ABLIM2: variants seen among roughly 807,000 people sequenced by gnomAD.
ABLIM2 encodes the protein actin binding LIM protein family member 2, also known as actin-binding LIM protein 2.
ABLIM2 carries 53 observed loss-of-function variants against 97.7 expected under a neutral mutation model. That is an observed-to-expected ratio of 0.54 (90% CI 0.44 to 0.68). The LOEUF (loss-of-function observed/expected upper bound fraction) is 0.68, where lower values mean the gene tolerates loss of function less well. Among genes scored for constraint, ABLIM2 ranks in the 30% least tolerant of loss-of-function variants. ABLIM2 has a pLI of 0.00. For missense variants in ABLIM2, 835 were observed against 867.2 expected (o/e 0.96, Z 0.47); for synonymous variants, 361 against 345.8 (o/e 1.04, Z -0.49).
At chr4:7,994,780 C>CCA (rs1752058369) in intron 16 of ABLIM2, among the ~76,000 whole-genome samples, 1 of 115,874 alleles carries the variant, frequency 8.6e-6, no homozygotes, top group Non-Finnish European at 2.1e-5. Context: ...GACTTCATGT[C>CCA]CAAAACACCA....
At chr4:7,983,603 G>C (rs764007420) in intron 18 of ABLIM2, 49 bp from the exon 19 acceptor site, 1 of 1,607,062 alleles carries the variant, frequency 6.2e-7, no homozygotes. Context: ...GAAAGTGCAA[G>C]ATGTCGTCCA....
chr4:8,041,382 G>T (rs560091544), intron 9 of ABLIM2: 1 of 152,380 alleles, frequency 6.6e-6, no homozygotes, highest in East Asian at 1.9e-4. Context: ...CAAGAAGAAA[G>T]GAGCCACCAT....
chr4:7,988,355 T>C (rs1329937414), intron 17 of ABLIM2, among the ~76,000 whole-genome samples: 1 of 152,220 alleles, frequency 6.6e-6, no homozygotes, highest in Admixed American at 6.5e-5. Flanking sequence ...TGTGGCTCTA[T>C]AGGTACATTC....
intron 2 of ABLIM2, among the ~76,000 whole-genome samples, chr4:8,105,416 A>C (rs1003890690): frequency 1.2e-4 from 19 of 152,370 alleles, no homozygotes; most frequent in African/African-American, 3.8e-4. Context: ...TAGAACATTC[A>C]AGAGCCTGGC....
chr4:8,007,595 GTC>G, intron 16 of ABLIM2: 2 of 988,830 alleles, frequency 2.0e-6, no homozygotes, highest in Non-Finnish European at 2.4e-6. Flanking sequence ...CACCATCACT[GTC>G]TCTCTATGAA....
intron 1 of ABLIM2, among the ~76,000 whole-genome samples, chr4:8,110,476 T>C (rs1232365516): frequency 2.6e-5 from 4 of 152,104 alleles, no homozygotes; most frequent in Admixed American, 2.6e-4. Context: ...CACCCAGGCA[T>C]CCATCTTCTT....
In ABLIM2 at chr4:8,140,945, C is replaced by T. The variant is rs16841848; in HGVS notation, c.10+17735G>A. 0.15 allele frequency among the ~76,000 whole-genome samples: 23,127 copies of T among 152,064 alleles called. 2,514 individuals carry two copies. The highest frequency in any genetic ancestry group is 0.31 in the African/African-American group (12,632 of 41,400). ...AGAACTCCTTACTCATTAAAATCCA[C>T]GGTAAAGCCTGCAGCTGTGGGCTGG... On this transcript the variant is annotated intron_variant, in intron 1 of 20. Coordinates refer to ENST00000447017, the MANE Select transcript of ABLIM2 (RefSeq NM_001130083.2). The surrounding 1 kb of genome is among the most constrained non-coding windows in gnomAD (Gnocchi z 5.9).
chr4:8,005,630 G>A lies in ABLIM2; in HGVS notation c.1618+2429C>T, dbSNP rs1488783548. Reference sequence around the variant, plus strand: ...CTGGATTCCTCAGGAGGCCGCAGACGGCAAGGCTCACCTGATCCAGGCACA... The same window carrying A: ...CTGGATTCCTCAGGAGGCCGCAGACAGCAAGGCTCACCTGATCCAGGCACA... On this transcript the variant is annotated intron_variant, in intron 16 of 20. Coordinates refer to ENST00000447017, the MANE Select transcript of ABLIM2 (RefSeq NM_001130083.2). This position sits in a 1 kb window ranked among gnomAD's most constrained non-coding sequence, Gnocchi z 4.9. Among the ~76,000 whole-genome samples the A allele has an allele frequency of 2.0e-5, 3 of 152,190 alleles. No homozygotes were observed. Among genetic ancestry groups the A allele is most frequent in the South Asian group, 2.1e-4 (1 of 4,828 alleles).
At chr4:8,137,519 G>A (rs950930228) in intron 1 of ABLIM2, among the ~76,000 whole-genome samples, 8 of 152,236 alleles carry the variant, frequency 5.3e-5, no homozygotes, top group African/African-American at 1.9e-4. Context: ...AAGACACAGG[G>A]CTGGGGAAGG....
chr4:8,133,355 T>G (rs1849698165), intron 1 of ABLIM2, among the ~76,000 whole-genome samples: 7 of 152,114 alleles, frequency 4.6e-5, no homozygotes, highest in Admixed American at 4.6e-4. Context: ...ACACCCCGGG[T>G]GCCCTGGCAC....
At chr4:8,036,723 G>C (rs1784697930) in intron 9 of ABLIM2, among the ~76,000 whole-genome samples, 1 of 152,208 alleles carries the variant, frequency 6.6e-6, no homozygotes, top group African/African-American at 2.4e-5. Context: ...GAAGGCTCTG[G>C]GGTTAAGGAG....
intron 20 of ABLIM2, among the ~76,000 whole-genome samples, chr4:7,974,684 C>T (rs1027451159): frequency 2.0e-5 from 3 of 149,770 alleles, no homozygotes; most frequent in African/African-American, 7.4e-5. Flanking sequence ...CATCCATCCA[C>T]CAACCCATCC....
rs549567667 is a variant in ABLIM2 at position 8,098,365 on chromosome 4, G to A, written c.155-1083C>T. ...CATCACAATGTTAATTGCTTGCAAA[G>A]GACGTCGTTTCTGCACATTGTGAAT... On this transcript the variant is annotated intron_variant, in intron 2 of 20. Coordinates refer to ENST00000447017, the MANE Select transcript of ABLIM2 (RefSeq NM_001130083.2). Among the ~76,000 whole-genome samples the A allele has an allele frequency of 3.9e-5, 6 of 152,358 alleles. No individual in the cohort carries two copies. The South Asian group carries it at 1.2e-3, about 32-fold the overall frequency.
rs565382880 is a variant in ABLIM2 at position 8,098,060 on chromosome 4, G to T, written c.155-778C>A. Among the ~76,000 whole-genome samples the T allele has an allele frequency of 5.1e-4, 78 of 152,306 alleles. 1 individual carries two copies. The highest frequency in any genetic ancestry group is 1.8e-3 in the African/African-American group (75 of 41,568). On this transcript the variant is annotated intron_variant, in intron 2 of 20. Transcript: ENST00000447017. ...GTCACCACCAGCTCAGAGGCCCCCA[G>T]TCCATGTCCTGAGACCCGATCGCAT...
chr4:8,012,206 C>A (rs867255287), intron 14 of ABLIM2, among the ~76,000 whole-genome samples: 1 of 151,028 alleles, frequency 6.6e-6, no homozygotes, highest in African/African-American at 2.4e-5. Context: ...CCCATTCACC[C>A]GCCTATACAT....
At chr4:8,016,367 C>T (rs922672310) in intron 14 of ABLIM2, among the ~76,000 whole-genome samples, 2 of 152,084 alleles carry the variant, frequency 1.3e-5, no homozygotes, top group Admixed American at 6.5e-5. Flanking sequence ...TTTTAAACTG[C>T]GCACAGCTTC....
intron 8 of ABLIM2, among the ~76,000 whole-genome samples, chr4:8,050,178 C>A (rs1431483673): frequency 6.6e-6 from 1 of 152,190 alleles, no homozygotes; most frequent in Non-Finnish European, 1.5e-5. Flanking sequence ...CACCCCAACA[C>A]CTTGGGCGCC....
Position 8,014,228 on chromosome 4 carries a change from A to G in ABLIM2, c.1424-5126T>C, listed in dbSNP as rs552517282. On this transcript the variant is annotated intron_variant, in intron 14 of 20. Coordinates refer to ENST00000447017, the MANE Select transcript of ABLIM2 (RefSeq NM_001130083.2). ...CTCTCTGACAAGGGAAGGAGCTGATAGCAACTGGGGAAGGTGCCCGGGGTT... is the reference window on the plus strand; with the variant it reads ...CTCTCTGACAAGGGAAGGAGCTGATGGCAACTGGGGAAGGTGCCCGGGGTT... Among the ~76,000 whole-genome samples the G allele has an allele frequency of 2.0e-5, 3 of 152,370 alleles. No individual in the cohort carries two copies. In the East Asian group the frequency reaches 5.8e-4, roughly 29 times the overall value.
chr4:8,097,038 A>T (rs1381016303), intron 3 of ABLIM2, 61 bp downstream of exon 3: 12 of 1,518,182 alleles, frequency 7.9e-6, no homozygotes, highest in Non-Finnish European at 1.1e-5. Context: ...GAAGGGAGGG[A>T]GGGAAGGAGA....
Sources: gnomAD v4.1 joint callset for allele counts (sites outside exome capture counted in the v4.1 genomes callset) on GRCh38, gnomAD v4.1.1 for gene constraint, Gnocchi (gnomAD v3.1) non-coding constraint, MANE v1.5 for transcripts, NCBI Gene and HGNC (gene_info 2026-07-23, HGNC 2026-07-21) for gene names.